VSIG2: variants seen among roughly 807,000 people sequenced by gnomAD.
VSIG2 encodes V-set and immunoglobulin domain-containing protein 2.
In VSIG2, 30 loss-of-function variants were observed where a neutral mutation model predicts 29.4. The ratio of observed to expected loss-of-function variants is 1.02; its 90% CI spans 0.76 to 1.38. The LOEUF (loss-of-function observed/expected upper bound fraction) is 1.38. Ranked by LOEUF, VSIG2 falls within the 40% of genes most tolerant of loss-of-function variation. The probability of loss-of-function intolerance (pLI) is 0.00; values close to 1 mark genes in which losing one functional copy is unlikely to be tolerated. For missense variants in VSIG2, 421 were observed against 400.8 expected (o/e 1.05, Z -0.43); for synonymous variants, 178 against 174.2 (o/e 1.02, Z -0.17).
chr11:124,748,021 C>A, intron 6 of VSIG2: 1 of 359,984 alleles, frequency 2.8e-6, no homozygotes, highest in Non-Finnish European at 5.0e-6. Context: ...AAGAATTGAA[C>A]TCAGCTGACT....
rs1308355356 is a variant in VSIG2, at chr11:124,750,751, G to A, written c.390C>T (p.Tyr130=). ...GGTTGATTAGCCCCAACCCATTGGT[G>A]TAGAAATCTGGTGGGTTGTTGACTT... ...LCQVNNPPDF[Y]TNGLGLINLT... is the part of the protein sequence containing the mutation. Residue 130 remains tyrosine (Y), a synonymous_variant, in exon 3 of 7, where the codon TAC becomes TAT. Coordinates refer to ENST00000326621, the MANE Select transcript of VSIG2 (RefSeq NM_014312.5). 2 of 1,614,090 alleles carry A rather than the reference G, an allele frequency of 1.2e-6. No individual in the cohort carries two copies. The highest frequency in any genetic ancestry group is 3.3e-5 in the Admixed American group (2 of 60,020).
rs761684793 is a variant in VSIG2 at position 124,750,850 on chromosome 11, G to A, written c.291C>T (p.Asn97=). ...GTGTGGCCACCCCCACTGTGGGGGG[G>A]TTCTGAAGCAGGCTGACCCGCTTTG... is the stretch of plus-strand genomic sequence containing the variant. ...SKSKRVSLLQ[N]PPTVGVATLK... The change falls in exon 3 of 7, where the codon AAC becomes AAT. Residue 97 remains asparagine, a synonymous_variant. Transcript: ENST00000326621. 9 of 1,614,000 alleles carry A rather than the reference G, an allele frequency of 5.6e-6. No individual in the cohort carries two copies. Among genetic ancestry groups the A allele is most frequent in the Non-Finnish European group, 7.6e-6 (9 of 1,180,022 alleles).
intron 4 of VSIG2, 147 bp from the exon 5 acceptor site, chr11:124,748,910 GGAA>G: frequency 8.6e-7 from 1 of 1,158,978 alleles, no homozygotes; most frequent in Non-Finnish European, 1.2e-6. Flanking sequence ...TTCAGAAGAA[GGAA>G]GTAGTGTGTC....
rs1263897434 is a variant in VSIG2, at chr11:124,749,782, C to A, written c.512G>T (p.Gly171Val). 1.2e-6 allele frequency: 2 copies of A among 1,613,092 alleles called. No individual in the cohort carries two copies. Among genetic ancestry groups the A allele is most frequent in the Non-Finnish European group, 1.7e-6 (2 of 1,179,830 alleles). ...STALRCSSSE[G>V]APKPVYNWVR... ...CCAGTTGTACACTGGCTTAGGAGCC[C>A]CCTCGGAAGAGCTGCATCTCAGTGC... The change falls in exon 4 of 7, where the codon GGG (glycine) becomes GTG (valine). Residue 171 changes from glycine to valine, a missense_variant. Gly to Val is a moderately radical substitution (Grantham distance 109). Coordinates refer to ENST00000326621, the MANE Select transcript of VSIG2 (RefSeq NM_014312.5).
intron 5 of VSIG2, 49 bp from the exon 6 acceptor site, chr11:124,748,583 C>T: frequency 6.2e-7 from 1 of 1,607,040 alleles, no homozygotes; most frequent in Non-Finnish European, 8.5e-7. Context: ...TTCCTCGGCC[C>T]ACCAGCCGAC....
intron 1 of VSIG2, 128 bp from the exon 2 acceptor site, chr11:124,751,708 C>G: frequency 9.3e-7 from 1 of 1,079,200 alleles, no homozygotes; most frequent in Non-Finnish European, 1.3e-6. Context: ...TCCCCTCAAT[C>G]CAACCCCTCC....
At chr11:124,749,684 C>A (rs745670954) in intron 4 of VSIG2, 24 bp downstream of exon 4, 1 of 1,607,882 alleles carries the variant, frequency 6.2e-7, no homozygotes, top group Non-Finnish European at 8.5e-7. Context: ...CCAGTACCCT[C>A]TTCCTGATGC....
rs376141038 is a variant in VSIG2, at chr11:124,748,546, C to T, written c.707-12G>A. The T allele has an allele frequency of 1.2e-6, 2 of 1,612,570 alleles. No homozygotes were observed. The highest frequency in any genetic ancestry group is 2.2e-5 in the South Asian group (2 of 90,962). ...GCCTTGGGAGGGTTCTAAGGAGATA[C>T]AGGACCCTCACTCAGAATTGCAGGC... On this transcript the variant is annotated splice_polypyrimidine_tract_variant and intron_variant, in intron 5 of 6. Coordinates refer to ENST00000326621, the MANE Select transcript of VSIG2 (RefSeq NM_014312.5).
At chr11:124,748,105 C>T in intron 6 of VSIG2, 1 of 436,498 alleles carries the variant, frequency 2.3e-6, no homozygotes, top group Non-Finnish European at 4.0e-6. Flanking sequence ...ATGAAAATAC[C>T]TTCGGAACAG....
In VSIG2 at chr11:124,749,860, G is replaced by T; in HGVS notation, c.434C>A (p.Pro145His). The T allele has an allele frequency of 8.2e-7, 1 of 1,218,872 alleles. No individual in the cohort carries two copies. Among genetic ancestry groups the T allele is most frequent in the Non-Finnish European group, 1.1e-6 (1 of 927,908 alleles). 75.5% of individuals were successfully genotyped at this position (1,218,872 alleles called of 1,614,324 possible). ...ACTCTGACTGCATAAGGGATTACTG[G>T]GGGGAACTGCAAAAAAAAAAAAAAA... ...GLINLTVLVP[P>H]SNPLCSQSGQ... is the part of the protein sequence containing the mutation. The change falls in exon 4 of 7, where the codon CCC becomes CAC. Residue 145 changes from proline (P) to histidine (H), a missense_variant. Coordinates refer to ENST00000326621, the MANE Select transcript of VSIG2 (RefSeq NM_014312.5).
chr11:124,749,796 G>C lies in VSIG2; in HGVS notation c.498C>G (p.Cys166Trp), dbSNP rs750208718. 33 of 1,603,362 alleles carry C rather than the reference G, an allele frequency of 2.1e-5. No homozygotes were observed. Among genetic ancestry groups the C allele is most frequent in the Middle Eastern group, 1.7e-4 (1 of 6,056 alleles). ...TSVGGSTALRCSSSEGAPKPV... is the reference protein window; with the variant it reads ...TSVGGSTALRWSSSEGAPKPV... Reference sequence around the variant, plus strand: ...GCTTAGGAGCCCCCTCGGAAGAGCTGCATCTCAGTGCAGTAGAGCCTCCCA... The same window carrying C: ...GCTTAGGAGCCCCCTCGGAAGAGCTCCATCTCAGTGCAGTAGAGCCTCCCA... The change falls in exon 4 of 7, where the codon TGC becomes TGG. Residue 166 changes from cysteine (C) to tryptophan (W), a missense_variant. By Grantham distance (215) the Cys-to-Trp change is radical. Transcript: ENST00000326621.
In VSIG2 at chr11:124,749,743, G is replaced by C; in HGVS notation, c.551C>G (p.Thr184Ser). 2 of 1,613,760 alleles carry C rather than the reference G, an allele frequency of 1.2e-6. No homozygotes were observed. The highest frequency in any genetic ancestry group is 1.7e-6 in the Non-Finnish European group (2 of 1,179,936). Residue 184 changes from threonine to serine, a missense_variant, in exon 4 of 7, where the codon ACT becomes AGT. Transcript: ENST00000326621. Reference protein sequence around the residue: ...KPVYNWVRLGTFPTPSPGSMV... With the variant: ...KPVYNWVRLGSFPTPSPGSMV... Reference sequence around the variant, plus strand: ...GCTGCCAGGAGAAGGTGTAGGAAAAGTTCCAAGACGCACCCAGTTGTACAC... The same window carrying C: ...GCTGCCAGGAGAAGGTGTAGGAAAACTTCCAAGACGCACCCAGTTGTACAC...
chr11:124,748,715 G>C lies in VSIG2; in HGVS notation c.635C>G (p.Ser212Trp). Residue 212 changes from serine (S) to tryptophan (W), a missense_variant, in exon 5 of 7, where the codon TCG becomes TGG. By Grantham distance (177) the Ser-to-Trp change is radical (BLOSUM62 -3). Transcript: ENST00000326621. The part of the protein sequence containing the change: ...LILTNLSLTS[S>W]GTYRCVATNQ... ...GGTGGCCACACAGCGGTAGGTGCCC[G>C]AGGAGGTCAGGGAGAGGTTGGTGAG... The C allele has an allele frequency of 6.2e-7, 1 of 1,614,196 alleles. No individual in the cohort carries two copies. The highest frequency in any genetic ancestry group is 8.5e-7 in the Non-Finnish European group (1 of 1,180,048).
At chr11:124,752,036 C>A (rs1362129117) in intron 1 of VSIG2, 41 bp downstream of exon 1, 4 of 1,540,040 alleles carry the variant, frequency 2.6e-6, no homozygotes, top group Non-Finnish European at 2.6e-6. Flanking sequence ...CAGGCCTATG[C>A]CCCCCAGCCC....
chr11:124,747,611 C>T lies in VSIG2; in HGVS notation c.908G>A (p.Ser303Asn). The T allele has an allele frequency of 6.2e-7, 1 of 1,613,890 alleles. No individual in the cohort carries two copies. The highest frequency in any genetic ancestry group is 8.5e-7 in the Non-Finnish European group (1 of 1,179,902). The change falls in exon 7 of 7, where the codon AGC (serine) becomes AAC (asparagine). Residue 303 changes from serine (S) to asparagine (N), a missense_variant. Coordinates refer to ENST00000326621, the MANE Select transcript of VSIG2 (RefSeq NM_014312.5). ...SEHTCMRADS[S>N]KGFLERPSSA... Reference sequence around the variant, plus strand: ...CGAGGGTCTTTCCAGGAACCCCTTGCTAGAATCAGCCCTCATACAAGTGTG... The same window carrying T: ...CGAGGGTCTTTCCAGGAACCCCTTGTTAGAATCAGCCCTCATACAAGTGTG...
chr11:124,749,881 A>G lies in VSIG2; in HGVS notation c.428-15T>C. The G allele has an allele frequency of 1.3e-6, 2 of 1,513,020 alleles. No individual in the cohort carries two copies. The highest frequency in any genetic ancestry group is 1.8e-6 in the Non-Finnish European group (2 of 1,133,184). 93.7% of individuals were successfully genotyped at this position (1,513,020 alleles called of 1,614,324 possible). A position where few individuals can be genotyped will look rare whatever the true frequency, so the allele number is the denominator to read the frequency against. Reference sequence around the variant, plus strand: ...ACTGGGGGGAACTGCAAAAAAAAAAAAAAAAAAAAAAAAACAGAAAGTTCC... The same window carrying G: ...ACTGGGGGGAACTGCAAAAAAAAAAGAAAAAAAAAAAAAACAGAAAGTTCC... On this transcript the variant is annotated splice_polypyrimidine_tract_variant and intron_variant, in intron 3 of 6. Coordinates refer to ENST00000326621, the MANE Select transcript of VSIG2 (RefSeq NM_014312.5).
rs762379538 is a variant in VSIG2 at position 124,749,858 on chromosome 11, TG to T, written c.435del (p.Ser146ValfsTer19). On this transcript the variant is annotated frameshift_variant, in exon 4 of 7. Transcript: ENST00000326621. LOFTEE classifies it high-confidence loss of function. Reference protein sequence around the residue: ...GLINLTVLVPPSNPLCSQSGQ... With the variant: ...GLINLTVLVPXSNPLCSQSGQ... Reference sequence around the variant, plus strand: ...CCACTCTGACTGCATAAGGGATTACTGGGGGGAACTGCAAAAAAAAAAAAAA... The same window carrying T: ...CCACTCTGACTGCATAAGGGATTACTGGGGGAACTGCAAAAAAAAAAAAAA... 64 of 707,740 alleles carry T rather than the reference TG, an allele frequency of 9.0e-5. No individual in the cohort carries two copies. Among genetic ancestry groups the T allele is most frequent in the Non-Finnish European group, 1.1e-4 (56 of 514,984 alleles). The allele number at this position is 707,740 out of a possible 1,614,324, so 43.8% of individuals were successfully genotyped here.
At chr11:124,750,672 T>C in intron 3 of VSIG2, 42 bp downstream of exon 3, 1 of 1,597,588 alleles carries the variant, frequency 6.3e-7, no homozygotes, top group South Asian at 1.1e-5. Flanking sequence ...GCCCCAAGTA[T>C]GTGAAAGAGT....
At chr11:124,751,693 C>A (rs776125810) in intron 1 of VSIG2, 113 bp from the exon 2 acceptor site, 2 of 1,179,408 alleles carry the variant, frequency 1.7e-6, no homozygotes, top group African/African-American at 1.5e-5. Context: ...CAGAGCACAA[C>A]CCTCTCCCCT....
Sources: gnomAD v4.1 joint callset for allele counts on GRCh38, gnomAD v4.1.1 for gene constraint, MANE v1.5 for transcripts, NCBI Gene and HGNC (gene_info 2026-07-23, HGNC 2026-07-21) for gene names.